The following NAALADL2 variants were observed in gnomAD, a reference collection of about 807,000 sequenced individuals.
NAALADL2 encodes the protein N-acetylated alpha-linked acidic dipeptidase like 2, also known as inactive N-acetylated-alpha-linked acidic dipeptidase-like protein 2.
A neutral mutation model predicts 87.2 loss-of-function variants in NAALADL2; 76 were observed. The observed-to-expected ratio is 0.87, with a 90% confidence interval of 0.72 to 1.05. The LOEUF (loss-of-function observed/expected upper bound fraction) is 1.05. Ranked by LOEUF, NAALADL2 falls within the 50% of genes least tolerant of loss-of-function variation. The pLI is 0.00. For synonymous variants in NAALADL2, 354 were observed against 331.0 expected (o/e 1.07, Z -0.75); for missense variants, 1,089 against 945.8 (o/e 1.15, Z -1.99).
intron 3 of NAALADL2, among the ~76,000 whole-genome samples, chr3:175,243,882 A>T (rs2290919): frequency 0.37 from 56,790 of 151,960 alleles, 10,832 homozygotes; most frequent in South Asian, 0.43. Flanking sequence ...AGGGAAGGTA[A>T]TTTTAAAACT....
intron 3 of NAALADL2, among the ~76,000 whole-genome samples, chr3:174,789,271 G>A (rs537654101): frequency 6.6e-6 from 1 of 152,218 alleles, no homozygotes; most frequent in South Asian, 2.1e-4. Context: ...GTGATAATTT[G>A]TACTATTTCA....
chr3:175,264,450 A>T (rs928975292), intron 4 of NAALADL2, among the ~76,000 whole-genome samples: 2 of 151,812 alleles, frequency 1.3e-5, no homozygotes, highest in African/African-American at 4.8e-5. Flanking sequence ...CAAACATGCA[A>T]ACCTAAACTG....
intron 2 of NAALADL2, among the ~76,000 whole-genome samples, chr3:174,712,380 CTTTTTTTTTTTTTTT>C (rs1169827021): frequency 5.7e-5 from 4 of 70,432 alleles, no homozygotes; most frequent in Non-Finnish European, 9.9e-5. Flanking sequence ...TTCTCCTCTT[CTTTTTTTTTTTTTTT>C]TTTTTTTTTT....
At chr3:175,641,109 T>C (rs1198927740) in intron 11 of NAALADL2, among the ~76,000 whole-genome samples, 1 of 152,172 alleles carries the variant, frequency 6.6e-6, no homozygotes, top group Non-Finnish European at 1.5e-5. Flanking sequence ...CCATTTCTTG[T>C]TTCCTCTTAC....
intron 1 of NAALADL2, among the ~76,000 whole-genome samples, chr3:174,881,771 G>T (rs1431550371): frequency 6.6e-6 from 1 of 152,054 alleles, no homozygotes; most frequent in Non-Finnish European, 1.5e-5. Flanking sequence ...TTCTTATGCT[G>T]CTCACCTCAG....
chr3:174,656,590 T>C (rs887022013), intron 2 of NAALADL2, among the ~76,000 whole-genome samples: 9 of 152,224 alleles, frequency 5.9e-5, no homozygotes, highest in African/African-American at 2.2e-4. Flanking sequence ...TTTTCACCAT[T>C]ACTTTTTTTG....
intron 5 of NAALADL2, among the ~76,000 whole-genome samples, chr3:175,404,467 C>T (rs1221591055): frequency 1.3e-5 from 2 of 152,234 alleles, no homozygotes; most frequent in East Asian, 3.9e-4. Context: ...GTTGCAAAAG[C>T]CGTGTGAGTC....
At chr3:174,913,790 T>C (rs190633004) in intron 1 of NAALADL2, among the ~76,000 whole-genome samples, 4 of 152,280 alleles carry the variant, frequency 2.6e-5, no homozygotes, top group Admixed American at 2.6e-4. Context: ...ACCAAATTAA[T>C]GAAAAATCAT....
At chr3:175,452,194 ACATTATGCTATTCT>A (rs1721676942) in intron 6 of NAALADL2, among the ~76,000 whole-genome samples, 2 of 151,888 alleles carry the variant, frequency 1.3e-5, no homozygotes, top group Non-Finnish European at 2.9e-5. Flanking sequence ...AAGATCCAGT[ACATTATGCTATTCT>A]CATTAAAGAA....
chr3:175,149,972 T>C (rs1245878922), intron 2 of NAALADL2, among the ~76,000 whole-genome samples: 1 of 152,128 alleles, frequency 6.6e-6, no homozygotes. Context: ...TGCTGAATTC[T>C]AGAGAGCCAT....
At chr3:175,564,439 T>C (rs1716786736) in intron 9 of NAALADL2, among the ~76,000 whole-genome samples, 1 of 152,218 alleles carries the variant, frequency 6.6e-6, no homozygotes, top group Non-Finnish European at 1.5e-5. Flanking sequence ...AATATGGATT[T>C]GAAAACCAGT....
intron 2 of NAALADL2, among the ~76,000 whole-genome samples, chr3:175,163,388 G>A (rs1733520711): frequency 6.6e-6 from 1 of 152,004 alleles, no homozygotes; most frequent in South Asian, 2.1e-4. Context: ...TTATAAAGTA[G>A]TTGTTTGCAA....
chr3:175,778,444 A>G (rs1243773962), intron 13 of NAALADL2, among the ~76,000 whole-genome samples: 1 of 152,144 alleles, frequency 6.6e-6, no homozygotes, highest in Non-Finnish European at 1.5e-5. Context: ...TGTTCCGGGA[A>G]AGTTCCTTTT....
intron 3 of NAALADL2, among the ~76,000 whole-genome samples, chr3:174,791,979 CAGGTGGA>C (rs1717508948): frequency 6.6e-6 from 1 of 152,078 alleles, no homozygotes; most frequent in Non-Finnish European, 1.5e-5. Flanking sequence ...GAGGCCAAGG[CAGGTGGA>C]TCACTTGAGG....
chr3:174,502,899 C>T (rs554437806), intron 1 of NAALADL2, among the ~76,000 whole-genome samples: 86 of 151,798 alleles, frequency 5.7e-4, no homozygotes, highest in African/African-American at 1.9e-3. Flanking sequence ...CGTGGTGGTG[C>T]GCGCCTGTAG....
intron 5 of NAALADL2, among the ~76,000 whole-genome samples, chr3:175,378,960 T>G (rs553066879): frequency 6.6e-6 from 1 of 152,184 alleles, no homozygotes; most frequent in Non-Finnish European, 1.5e-5. Context: ...TCCACATTAT[T>G]TGGCTCTTAC....
At chr3:175,616,638 G>A (rs1475839595) in intron 10 of NAALADL2, among the ~76,000 whole-genome samples, 4 of 151,974 alleles carry the variant, frequency 2.6e-5, no homozygotes, top group African/African-American at 9.7e-5. Flanking sequence ...CCTCTGCCTG[G>A]GGCCTGGGGA....
intron 9 of NAALADL2, among the ~76,000 whole-genome samples, chr3:175,493,572 A>G (rs1331089222): frequency 6.6e-6 from 1 of 152,122 alleles, no homozygotes; most frequent in African/African-American, 2.4e-5. Context: ...CTTGTACAAA[A>G]CTTCAGTTGA....
chr3:175,306,653 C>G (rs1757762032), intron 4 of NAALADL2, among the ~76,000 whole-genome samples: 1 of 152,076 alleles, frequency 6.6e-6, no homozygotes, highest in Non-Finnish European at 1.5e-5. Context: ...TGGTGAAACC[C>G]CATCTTTGCT....
Sources: allele counts gnomAD v4.1 joint callset (sites outside exome capture counted in the v4.1 genomes callset), GRCh38; gene constraint gnomAD v4.1.1; transcripts MANE v1.5; gene names NCBI Gene and HGNC (gene_info 2026-07-23, HGNC 2026-07-21).